KAZN: variants seen among roughly 807,000 people sequenced by gnomAD.
The protein encoded by KAZN is kazrin, periplakin interacting protein.
Under a neutral mutation model 87.4 loss-of-function variants are expected in KAZN, and 40 were observed. The ratio of observed to expected loss-of-function variants is 0.46; its 90% CI spans 0.36 to 0.60. KAZN has a LOEUF of 0.60. Among genes scored for constraint, KAZN ranks in the 20% least tolerant of loss-of-function variants. The pLI is 0.00. For missense variants in KAZN, 898 were observed against 1,073.9 expected, an observed-to-expected ratio of 0.84 and a Z score of 2.29; for synonymous variants, 466 against 458.3, an observed-to-expected ratio of 1.02 and a Z score of -0.22.
intron 2 of KAZN, among the ~76,000 whole-genome samples, chr1:14,483,363 A>G (rs1669184327): frequency 6.6e-6 from 1 of 152,202 alleles, no homozygotes; most frequent in Admixed American, 6.5e-5. Flanking sequence ...AGGGCCCATT[A>G]CCGAAAGTGA....
intron 1 of KAZN, among the ~76,000 whole-genome samples, chr1:14,104,211 C>A (rs1342735040): frequency 6.6e-6 from 1 of 152,172 alleles, no homozygotes; most frequent in African/African-American, 2.4e-5. Context: ...CCAGATGCGT[C>A]TCTCCTTCTT....
intron 1 of KAZN, among the ~76,000 whole-genome samples, chr1:14,693,016 G>C (rs968018494): frequency 1.3e-5 from 2 of 152,094 alleles, no homozygotes; most frequent in Non-Finnish European, 2.9e-5. Context: ...GTCTTCTCAG[G>C]GGTCGTTTTT....
intron 2 of KAZN, among the ~76,000 whole-genome samples, chr1:14,990,881 T>C (rs1667283371): frequency 6.6e-6 from 1 of 150,740 alleles, no homozygotes. Context: ...GGGTGAGGCC[T>C]GATCTAGTTT....
chr1:14,551,982 TCTTTCTTTTTCTTC>T (rs1673555020), intron 2 of KAZN, among the ~76,000 whole-genome samples: 1 of 152,196 alleles, frequency 6.6e-6, no homozygotes, highest in South Asian at 2.1e-4. Flanking sequence ...TTTATTTCTT[TCTTTCTTTTTCTTC>T]CTTTCTTTCT....
intron 2 of KAZN, among the ~76,000 whole-genome samples, chr1:14,997,999 C>A (rs1305200817): frequency 6.6e-6 from 1 of 152,124 alleles, no homozygotes; most frequent in Admixed American, 6.6e-5. Flanking sequence ...GAGTCACTGT[C>A]GTTATTGAGC....
Position 14,234,099 on chromosome 1 carries a change from C to T in KAZN, c.249+53507C>T, listed in dbSNP as rs903099098. Reference sequence around the variant, plus strand: ...ATTCTACTATAAAGACACATGCACACGTATGTTTATTGCAGCACTGTTCAC... The same window carrying T: ...ATTCTACTATAAAGACACATGCACATGTATGTTTATTGCAGCACTGTTCAC... On this transcript the variant is annotated intron_variant, in intron 2 of 16. Coordinates refer to the KAZN transcript ENST00000636203. Among the ~76,000 whole-genome samples, 16 of 152,078 alleles carry T rather than the reference C, an allele frequency of 1.1e-4. No homozygotes were observed. In the East Asian group the frequency reaches 2.1e-3, roughly 20 times the overall value.
intron 2 of KAZN, among the ~76,000 whole-genome samples, chr1:14,456,802 G>T (rs546441088): frequency 3.3e-5 from 5 of 152,100 alleles, no homozygotes; most frequent in African/African-American, 7.2e-5. Flanking sequence ...ATATGCAGCC[G>T]GGTGTGGTGG....
chr1:15,044,759 T>A (rs930604731), intron 4 of KAZN, among the ~76,000 whole-genome samples: 47 of 151,162 alleles, frequency 3.1e-4, no homozygotes, highest in South Asian at 1.0e-3. Context: ...GGAAAAAAAA[T>A]TTTTTTTGTT....
intron 2 of KAZN, among the ~76,000 whole-genome samples, chr1:14,386,381 G>C (rs1367476905): frequency 6.6e-6 from 1 of 151,136 alleles, no homozygotes; most frequent in African/African-American, 2.4e-5. Context: ...TATTTTGCTC[G>C]TTAGTTGATG....
intron 2 of KAZN, among the ~76,000 whole-genome samples, chr1:14,306,863 A>AG (rs1654967225): frequency 6.6e-6 from 1 of 152,210 alleles, no homozygotes; most frequent in Non-Finnish European, 1.5e-5. Flanking sequence ...ATTCTTTAAA[A>AG]GACAAGATAA....
chr1:15,018,440 G>A (rs938252), intron 2 of KAZN, among the ~76,000 whole-genome samples: 127,035 of 151,544 alleles, frequency 0.84, 54,402 homozygotes, highest in South Asian at 0.92. Flanking sequence ...CTTTCTGGTT[G>A]CAGGAGAAGA....
intron 2 of KAZN, among the ~76,000 whole-genome samples, chr1:14,181,447 T>C (rs1285815631): frequency 1.3e-5 from 2 of 152,254 alleles, no homozygotes; most frequent in Non-Finnish European, 2.9e-5. Context: ...GTTTCTTTGC[T>C]TTTGTTTCTA....
intron 1 of KAZN, among the ~76,000 whole-genome samples, chr1:14,688,712 C>T (rs907975661): frequency 6.6e-6 from 1 of 152,214 alleles, no homozygotes; most frequent in South Asian, 2.1e-4. Context: ...TCAGTGCACA[C>T]GTACTAGAAC....
At chr1:14,409,776 G>A (rs533254039) in intron 2 of KAZN, among the ~76,000 whole-genome samples, 5 of 152,174 alleles carry the variant, frequency 3.3e-5, no homozygotes, top group Non-Finnish European at 5.9e-5. Context: ...GGGACTAGAC[G>A]CTCCCTTCAA....
chr1:14,043,207 G>A (rs1172618202), intron 1 of KAZN, among the ~76,000 whole-genome samples: 2 of 152,220 alleles, frequency 1.3e-5, no homozygotes, highest in African/African-American at 2.4e-5. Context: ...TTAACATAAC[G>A]TCTTTAAGGT....
At chr1:14,790,064 G>A (rs888804922) in intron 1 of KAZN, among the ~76,000 whole-genome samples, 7 of 151,534 alleles carry the variant, frequency 4.6e-5, no homozygotes, top group East Asian at 1.9e-4. Flanking sequence ...GTGCAATGGC[G>A]CAATCTTGAC....
chr1:13,983,150 G>A (rs558641108), intron 1 of KAZN, among the ~76,000 whole-genome samples: 5 of 152,382 alleles, frequency 3.3e-5, no homozygotes, highest in South Asian at 4.1e-4. Flanking sequence ...TGGCAGTCCC[G>A]CGCCCTGCGC....
chr1:14,190,625 C>A (rs922389222), intron 2 of KAZN, among the ~76,000 whole-genome samples: 2 of 152,140 alleles, frequency 1.3e-5, no homozygotes, highest in African/African-American at 4.8e-5. Flanking sequence ...AGAGACTAGA[C>A]ACCAAGATAC....
chr1:14,945,496 C>T (rs950467013), intron 1 of KAZN, among the ~76,000 whole-genome samples: 18 of 152,284 alleles, frequency 1.2e-4, no homozygotes, highest in African/African-American at 3.4e-4. Flanking sequence ...CTTCTGGAAG[C>T]CCTAGCAGTC....
Sources: gnomAD v4.1 joint callset for allele counts (sites outside exome capture counted in the v4.1 genomes callset) on GRCh38, gnomAD v4.1.1 for gene constraint, MANE v1.5 for transcripts, NCBI Gene and HGNC (gene_info 2026-07-23, HGNC 2026-07-21) for gene names.